ACOXL: variants seen among roughly 807,000 people sequenced by gnomAD.
ACOXL encodes acyl-coenzyme A oxidase-like protein.
A neutral mutation model predicts 71.9 loss-of-function variants in ACOXL; 70 were observed. That is an observed-to-expected ratio of 0.97 (90% CI 0.80 to 1.19). The LOEUF is 1.19. ACOXL is among the 50% of genes most tolerant of loss of function. The probability of loss-of-function intolerance (pLI) is 0.00; values close to 1 mark genes in which losing one functional copy is unlikely to be tolerated. For missense variants in ACOXL, 703 were observed against 736.3 expected (o/e 0.95, Z 0.52); for synonymous variants, 253 against 281.6 (o/e 0.90, Z 1.02).
intron 11 of ACOXL, among the ~76,000 whole-genome samples, chr2:110,932,956 T>C (rs2060530105): frequency 6.6e-6 from 1 of 152,190 alleles, no homozygotes; most frequent in African/African-American, 2.4e-5. Flanking sequence ...GAGGAGCAGG[T>C]TTAATCTCGA....
chr2:110,908,041 T>G (rs1206429992), intron 10 of ACOXL, among the ~76,000 whole-genome samples: 1 of 152,214 alleles, frequency 6.6e-6, no homozygotes, highest in Non-Finnish European at 1.5e-5. Flanking sequence ...TGCTGCTGAA[T>G]GTAGGATGTA....
chr2:110,818,861 G>C lies in ACOXL; in HGVS notation c.753+13466G>C, dbSNP rs1688281382. On this transcript the variant is annotated intron_variant, in intron 9 of 17. Coordinates refer to ENST00000439055, the MANE Select transcript of ACOXL (RefSeq NM_001142807.4). The stretch of plus-strand genomic sequence containing the variant: ...GCACCCTGGGAGCACACGGAAGCTC[G>C]TGATCAGCCAAAGCTGACCTGGCTG... Among the ~76,000 whole-genome samples the C allele has an allele frequency of 3.1e-5, 2 of 64,590 alleles. 1 individual carries two copies. The highest frequency in any genetic ancestry group is 0.015 in the Middle Eastern group (2 of 130). 42.4% of individuals were successfully genotyped at this position (64,590 alleles called of 152,430 possible).
chr2:110,872,232 C>T (rs113731690), intron 10 of ACOXL, among the ~76,000 whole-genome samples: 85 of 152,268 alleles, frequency 5.6e-4, no homozygotes, highest in African/African-American at 1.9e-3. Flanking sequence ...AAGGATAAGC[C>T]TGGAACTGGT....
intron 1 of ACOXL, among the ~76,000 whole-genome samples, chr2:110,754,280 T>A (rs1679385392): frequency 6.6e-6 from 1 of 152,016 alleles, no homozygotes; most frequent in Non-Finnish European, 1.5e-5. Context: ...GCTGTGTTGC[T>A]GGGCTGGTCT....
chr2:111,008,620 T>A (rs563037496), intron 14 of ACOXL, among the ~76,000 whole-genome samples: 19 of 152,318 alleles, frequency 1.2e-4, no homozygotes, highest in Non-Finnish European at 2.5e-4. Flanking sequence ...TTGAATTATA[T>A]CTTCAGGGTA....
At chr2:110,771,572 T>C (rs2105027259) in intron 2 of ACOXL, among the ~76,000 whole-genome samples, 1 of 152,378 alleles carries the variant, frequency 6.6e-6, no homozygotes, top group South Asian at 2.1e-4. Flanking sequence ...CATTAAAATA[T>C]TTCCACGCTG....
intron 1 of ACOXL, among the ~76,000 whole-genome samples, chr2:110,739,262 T>C (rs967106163): frequency 2.6e-5 from 4 of 152,184 alleles, no homozygotes; most frequent in Non-Finnish European, 5.9e-5. Flanking sequence ...CAGATCAGTA[T>C]TGGTGTTTTG....
chr2:110,805,163 C>A, intron 8 of ACOXL, 100 bp from the exon 9 acceptor site: 1 of 1,471,648 alleles, frequency 6.8e-7, no homozygotes, highest in Non-Finnish European at 9.2e-7. Context: ...ATGGGGAAAT[C>A]CGAGTGCTTC....
At chr2:110,811,124 C>T (rs1359194195) in intron 9 of ACOXL, among the ~76,000 whole-genome samples, 2 of 152,160 alleles carry the variant, frequency 1.3e-5, no homozygotes, top group East Asian at 1.9e-4. Context: ...GGAACACAGC[C>T]AAAGCGTATC....
intron 11 of ACOXL, among the ~76,000 whole-genome samples, chr2:110,916,640 T>G (rs1330573421): frequency 6.6e-6 from 1 of 151,460 alleles, no homozygotes; most frequent in Non-Finnish European, 1.5e-5. Context: ...TTGAAAAAAT[T>G]AACAAAATAG....
intron 10 of ACOXL, among the ~76,000 whole-genome samples, chr2:110,847,532 C>T (rs1692066447): frequency 6.6e-6 from 1 of 152,282 alleles, no homozygotes; most frequent in Middle Eastern, 3.4e-3. Flanking sequence ...AAGAAGGAAG[C>T]AAATTTTCCA....
At chr2:110,780,366 C>G (rs889560949) in intron 2 of ACOXL, among the ~76,000 whole-genome samples, 3 of 152,148 alleles carry the variant, frequency 2.0e-5, no homozygotes, top group African/African-American at 7.2e-5. Flanking sequence ...TAAAATGGTA[C>G]AACCATTTTC....
At chr2:110,889,648 G>C (rs771292186) in intron 10 of ACOXL, among the ~76,000 whole-genome samples, 1 of 152,196 alleles carries the variant, frequency 6.6e-6, no homozygotes, top group Non-Finnish European at 1.5e-5. Flanking sequence ...CCAGATTCAA[G>C]TGTGTCACAG....
chr2:110,928,616 G>A (rs1485210110), intron 11 of ACOXL, among the ~76,000 whole-genome samples: 2 of 152,170 alleles, frequency 1.3e-5, no homozygotes, highest in Non-Finnish European at 2.9e-5. Flanking sequence ...CCATCTCATT[G>A]ACTTTATGGT....
At chr2:111,071,460 A>G (rs2067337892) in intron 16 of ACOXL, among the ~76,000 whole-genome samples, 1 of 152,220 alleles carries the variant, frequency 6.6e-6, no homozygotes, top group African/African-American at 2.4e-5. Context: ...TTGCAAAGCC[A>G]TTGCATTTTG....
chr2:110,892,429 T>C (rs1310172120), intron 10 of ACOXL, among the ~76,000 whole-genome samples: 1 of 152,164 alleles, frequency 6.6e-6, no homozygotes. Context: ...ATTGCTGTGC[T>C]CTGGGCCTTG....
At chr2:110,985,464 G>A (rs988941964) in intron 12 of ACOXL, among the ~76,000 whole-genome samples, 2 of 152,226 alleles carry the variant, frequency 1.3e-5, no homozygotes, top group Admixed American at 6.5e-5. Context: ...CCAAAGGCAA[G>A]TTATTTATAT....
intron 17 of ACOXL, among the ~76,000 whole-genome samples, chr2:111,112,637 T>G (rs2070067826): frequency 6.6e-6 from 1 of 152,112 alleles, no homozygotes; most frequent in Admixed American, 6.5e-5. Flanking sequence ...CTGCAAAAAG[T>G]GAGAATAGGT....
intron 10 of ACOXL, among the ~76,000 whole-genome samples, chr2:110,858,141 G>C (rs1693490861): frequency 6.6e-6 from 1 of 152,092 alleles, no homozygotes. Flanking sequence ...ATCTGTTTCG[G>C]GGACAAGAAA....
Sources: allele counts gnomAD v4.1 joint callset (sites outside exome capture counted in the v4.1 genomes callset), GRCh38; gene constraint gnomAD v4.1.1; transcripts MANE v1.5; gene names NCBI Gene and HGNC (gene_info 2026-07-23, HGNC 2026-07-21).